TRAIP: variants seen among roughly 807,000 people sequenced by gnomAD.
The protein encoded by TRAIP is E3 ubiquitin-protein ligase TRAIP.
A neutral mutation model predicts 65.0 loss-of-function variants in TRAIP; 37 were observed. The observed-to-expected ratio is 0.57, with a 90% CI of 0.44 to 0.75. TRAIP has a LOEUF of 0.75. Ranked by LOEUF, TRAIP falls within the 30% of genes least tolerant of loss-of-function variation. TRAIP has a pLI of 0.00. For missense variants in TRAIP, 481 were observed against 579.4 expected, an observed-to-expected ratio of 0.83 and a Z score of 1.74; for synonymous variants, 187 against 219.1, an observed-to-expected ratio of 0.85 and a Z score of 1.29.
chr3:49,839,198 AG>A (rs1433607594), intron 10 of TRAIP, among the ~76,000 whole-genome samples: 2 of 150,848 alleles, frequency 1.3e-5, no homozygotes, highest in African/African-American at 2.4e-5. Flanking sequence ...AAAAAGAAAA[AG>A]GAAAAAAAAA....
intron 5 of TRAIP, chr3:49,843,503 G>A: frequency 3.4e-6 from 1 of 291,990 alleles, no homozygotes; most frequent in Non-Finnish European, 6.5e-6. Context: ...TCGGAAATAT[G>A]GCCCAGCCTC....
At chr3:49,853,121 C>CA (rs749868575) in intron 1 of TRAIP, among the ~76,000 whole-genome samples, 1,439 of 91,686 alleles carry the variant, frequency 0.016, 15 homozygotes, top group African/African-American at 0.035. Context: ...GACTCTGTCT[C>CA]AAAAAAAAAA....
chr3:49,842,404 G>T, intron 6 of TRAIP, 49 bp downstream of exon 6: 1 of 1,563,388 alleles, frequency 6.4e-7, no homozygotes. Context: ...TGTACCACTT[G>T]CAGGCCCTGG....
At chr3:49,838,801 G>A (rs1280582774) in intron 10 of TRAIP, among the ~76,000 whole-genome samples, 3 of 151,672 alleles carry the variant, frequency 2.0e-5, no homozygotes, top group Non-Finnish European at 4.4e-5. Context: ...CAGGAGAATC[G>A]CTTGAACCTG....
chr3:49,831,542 C>A (rs1203316149), intron 11 of TRAIP, among the ~76,000 whole-genome samples: 2 of 152,236 alleles, frequency 1.3e-5, no homozygotes, highest in African/African-American at 2.4e-5. Context: ...CAGGCATGAG[C>A]CTCAGAGGCA....
intron 11 of TRAIP, 107 bp from the exon 12 acceptor site, chr3:49,830,175 G>T: frequency 8.0e-7 from 1 of 1,256,108 alleles, no homozygotes; most frequent in Non-Finnish European, 1.2e-6. Context: ...CACTGCTGCT[G>T]CCATGCCTGC....
At chr3:49,832,488 T>G (rs1375430537) in intron 10 of TRAIP, among the ~76,000 whole-genome samples, 2 of 80,852 alleles carry the variant, frequency 2.5e-5, no homozygotes, top group African/African-American at 1.2e-4. Context: ...AGACTCCGTC[T>G]CAGGAAAAAA....
chr3:49,845,816 T>A (rs1324955621), intron 3 of TRAIP, among the ~76,000 whole-genome samples: 1 of 152,194 alleles, frequency 6.6e-6, no homozygotes, highest in Non-Finnish European at 1.5e-5. Context: ...GGGAAGACAC[T>A]ACTTAAAACT....
In TRAIP at chr3:49,832,018, T is replaced by C; in HGVS notation, c.935A>G (p.Asp312Gly). The C allele has an allele frequency of 6.2e-7, 1 of 1,606,522 alleles. No individual in the cohort carries two copies. Among genetic ancestry groups the C allele is most frequent in the Non-Finnish European group, 8.5e-7 (1 of 1,176,390 alleles). The change falls in exon 11 of 15, where the codon GAT becomes GGT. Residue 312 changes from aspartate to glycine, a missense_variant. Physicochemically the swap from Asp to Gly is moderately conservative, Grantham distance 94. Transcript: ENST00000331456. The stretch of plus-strand genomic sequence containing the variant: ...AAAGGTAGCATTGAGATCAATATCA[T>C]CACGGAAGGATGGCCGGCGGAGCTT... ...NLKLRRPSFR[D>G]DIDLNATFDV...
chr3:49,845,989 A>G (rs939795321), intron 3 of TRAIP, among the ~76,000 whole-genome samples: 2 of 152,202 alleles, frequency 1.3e-5, no homozygotes, highest in East Asian at 1.9e-4. Context: ...TCCAGGGATC[A>G]TTTGTGAACC....
chr3:49,839,748 T>C lies in TRAIP; in HGVS notation c.884+24A>G, dbSNP rs765199069. ...GAAAGCTCTCCCACCTTGTGACCCC[T>C]GTACCGCCCAAGGCTCAACAAACCT... On this transcript the variant is annotated intron_variant, in intron 10 of 14. Transcript: ENST00000331456. 3.7e-6 allele frequency: 6 copies of C among 1,608,168 alleles called. No homozygotes were observed. In the African/African-American group the frequency reaches 4.0e-5, roughly 11 times the overall value.
chr3:49,839,977 C>CT, intron 9 of TRAIP, 117 bp from the exon 10 acceptor site: 1 of 1,046,796 alleles, frequency 9.6e-7, no homozygotes, highest in Non-Finnish European at 1.5e-6. Context: ...AGAGCAAGGC[C>CT]TGATACCTCA....
intron 1 of TRAIP, among the ~76,000 whole-genome samples, chr3:49,854,619 A>G (rs1201016773): frequency 1.3e-5 from 2 of 152,238 alleles, no homozygotes; most frequent in Admixed American, 6.5e-5. Flanking sequence ...ACAATAAGAT[A>G]TAATAGGCAA....
intron 10 of TRAIP, among the ~76,000 whole-genome samples, chr3:49,832,280 C>G (rs922943384): frequency 2.0e-5 from 3 of 152,056 alleles, no homozygotes; most frequent in Admixed American, 2.0e-4. Context: ...ATCAAGCGGT[C>G]AAGAGATCAA....
chr3:49,855,948 A>G (rs2081966002), intron 1 of TRAIP, among the ~76,000 whole-genome samples: 1 of 152,346 alleles, frequency 6.6e-6, no homozygotes, highest in South Asian at 2.1e-4. Context: ...TCTGGGTAGA[A>G]TAATTCCAAA....
In TRAIP at chr3:49,829,009, G is replaced by A. The variant is rs567707052; in HGVS notation, c.*94C>T. On this transcript the variant is annotated 3_prime_UTR_variant, in exon 15 of 15. Coordinates refer to ENST00000331456, the MANE Select transcript of TRAIP (RefSeq NM_005879.3). ...TGCCCTTACACCTCAGGCTGGTCCC[G>A]AAAGTGGGGCTCTGTCCACAAAACC... 72 of 1,580,772 alleles carry A rather than the reference G, an allele frequency of 4.6e-5. No individual in the cohort carries two copies. The highest frequency in any genetic ancestry group is 4.2e-4 in the Admixed American group (25 of 59,558).
intron 10 of TRAIP, 96 bp from the exon 11 acceptor site, chr3:49,832,164 G>A (rs1575389641): frequency 2.2e-6 from 3 of 1,377,796 alleles, no homozygotes; most frequent in East Asian, 2.7e-5. Context: ...CAGGGACCTG[G>A]AGCCCACTCC....
At chr3:49,838,613 C>T (rs961291062) in intron 10 of TRAIP, among the ~76,000 whole-genome samples, 6 of 152,192 alleles carry the variant, frequency 3.9e-5, no homozygotes, top group Admixed American at 1.3e-4. Context: ...CAACCAGGCA[C>T]GGTGGCTCAC....
At chr3:49,830,916 A>G (rs1187439205) in intron 11 of TRAIP, among the ~76,000 whole-genome samples, 1 of 151,004 alleles carries the variant, frequency 6.6e-6, no homozygotes, top group Non-Finnish European at 1.5e-5. Flanking sequence ...GAACTTCACT[A>G]CCTCCTTCAC....
Sources: gnomAD v4.1 joint callset for allele counts (sites outside exome capture counted in the v4.1 genomes callset) on GRCh38, gnomAD v4.1.1 for gene constraint, MANE v1.5 for transcripts, NCBI Gene and HGNC (gene_info 2026-07-23, HGNC 2026-07-21) for gene names.